Variants in ST7 observed in about 807,000 individuals in gnomAD.
ST7 encodes the protein suppression of tumorigenicity 7.
In ST7, 28 loss-of-function variants were observed where a neutral mutation model predicts 78.7. The observed-to-expected ratio is 0.36, with a 90% confidence interval of 0.26 to 0.49. The LOEUF (loss-of-function observed/expected upper bound fraction) is 0.49. Among genes scored for constraint, ST7 ranks in the 20% least tolerant of loss-of-function variants. The pLI is 0.99. For missense variants in ST7, 418 were observed against 696.0 expected (o/e 0.60, Z 4.49); for synonymous variants, 247 against 249.6 (o/e 0.99, Z 0.10).
chr7:116,955,248 C>T (rs1357678872), intron 1 of ST7: 5 of 382,830 alleles, frequency 1.3e-5, no homozygotes, highest in Admixed American at 3.7e-5. Flanking sequence ...TTGTTGGTAA[C>T]AGTGTTAGTC....
At chr7:117,042,740 A>G (rs969540423) in intron 1 of ST7, among the ~76,000 whole-genome samples, 1 of 152,124 alleles carries the variant, frequency 6.6e-6, no homozygotes, top group Non-Finnish European at 1.5e-5. Context: ...AAGATTTTAA[A>G]AAAATATATA....
intron 1 of ST7, among the ~76,000 whole-genome samples, chr7:117,083,630 A>C (rs1799940050): frequency 6.6e-6 from 1 of 152,224 alleles, no homozygotes; most frequent in African/African-American, 2.4e-5. Context: ...TCAATCTATT[A>C]GGGGATTAAA....
intron 1 of ST7, among the ~76,000 whole-genome samples, chr7:117,038,838 G>C (rs1176857989): frequency 2.0e-5 from 3 of 152,092 alleles, no homozygotes; most frequent in Admixed American, 6.6e-5. Flanking sequence ...AGAAATGAAA[G>C]ATTTTATGAT....
At chr7:117,144,916 T>G (rs1805629993) in intron 9 of ST7, among the ~76,000 whole-genome samples, 1 of 151,726 alleles carries the variant, frequency 6.6e-6, no homozygotes, top group Non-Finnish European at 1.5e-5. Context: ...AGGTAGAAAA[T>G]GGCCAGGTAT....
chr7:117,216,112 G>A (rs1176409397), intron 13 of ST7, among the ~76,000 whole-genome samples: 1 of 152,020 alleles, frequency 6.6e-6, no homozygotes, highest in East Asian at 1.9e-4. Flanking sequence ...AATCTCTGAC[G>A]GGAACAGCAC....
At chr7:117,130,213 G>A (rs1804232244) in intron 4 of ST7, among the ~76,000 whole-genome samples, 1 of 151,816 alleles carries the variant, frequency 6.6e-6, no homozygotes, top group Non-Finnish European at 1.5e-5. Context: ...CATAGCTTTA[G>A]GAAAGTGTCT....
rs533673225 is a variant in ST7 at position 117,124,358 on chromosome 7, G to T, written c.394+4638G>T. Among the ~76,000 whole-genome samples, 24 of 152,092 alleles carry T rather than the reference G, an allele frequency of 1.6e-4. No homozygotes were observed. The East Asian group carries it at 4.3e-3, about 27-fold the overall frequency. ...TTATTATCTCTCTTTTATAGTTAAG[G>T]GAGCTGAGGTATAGCAAGGTGAAGT... is the stretch of plus-strand genomic sequence containing the variant. On this transcript the variant is annotated intron_variant, in intron 3 of 15. Transcript: ENST00000323984.
At chr7:117,209,738 C>T in intron 12 of ST7, 49 bp from the exon 13 acceptor site, 1 of 1,580,508 alleles carries the variant, frequency 6.3e-7, no homozygotes, top group Non-Finnish European at 8.6e-7. Flanking sequence ...ATACTGAATT[C>T]TAAATTACTT....
At chr7:117,168,182 C>G (rs564395559) in intron 9 of ST7, among the ~76,000 whole-genome samples, 21 of 152,320 alleles carry the variant, frequency 1.4e-4, no homozygotes, top group African/African-American at 4.8e-4. Flanking sequence ...ACAGTATACT[C>G]TGTCCAAGCT....
chr7:117,094,257 AC>A (rs1800856051), intron 1 of ST7, among the ~76,000 whole-genome samples: 1 of 151,882 alleles, frequency 6.6e-6, no homozygotes, highest in African/African-American at 2.4e-5. Context: ...CTGGGCATTC[AC>A]CCTCAGGCCC....
chr7:116,958,717 G>T (rs1205991558), intron 1 of ST7: 1 of 470,736 alleles, frequency 2.1e-6, no homozygotes, highest in Non-Finnish European at 4.4e-6. Context: ...GTTTCCCAGT[G>T]CATATAAAAG....
At chr7:117,002,813 CTTTTTTT>C (rs397970060) in intron 1 of ST7, among the ~76,000 whole-genome samples, 5,559 of 72,036 alleles carry the variant, frequency 0.077, 101 homozygotes, top group Middle Eastern at 0.15. Flanking sequence ...ATTTTTTTTC[CTTTTTTT>C]TTTTTTTTTT....
chr7:116,972,220 C>T (rs1793462203), intron 1 of ST7: 9 of 536,290 alleles, frequency 1.7e-5, no homozygotes, highest in South Asian at 6.1e-5. Flanking sequence ...TGTACAGAGG[C>T]GCTGTCCTTT....
chr7:116,979,161 A>G (rs529778920), intron 1 of ST7, among the ~76,000 whole-genome samples: 1 of 152,262 alleles, frequency 6.6e-6, no homozygotes, highest in Admixed American at 6.5e-5. Flanking sequence ...TTTTTCTCCC[A>G]CCCTATTAAT....
chr7:117,098,452 T>G (rs908278694), intron 1 of ST7, among the ~76,000 whole-genome samples: 1 of 152,102 alleles, frequency 6.6e-6, no homozygotes, highest in Admixed American at 6.6e-5. Flanking sequence ...GCATCCCTCT[T>G]AACATGTTTT....
intron 1 of ST7, among the ~76,000 whole-genome samples, chr7:117,088,612 G>A (rs1800340068): frequency 6.6e-6 from 1 of 152,232 alleles, no homozygotes; most frequent in African/African-American, 2.4e-5. Flanking sequence ...CAGCTTTGTA[G>A]CATGTAATCT....
intron 9 of ST7, among the ~76,000 whole-genome samples, chr7:117,158,526 C>T (rs577169805): frequency 1.6e-4 from 25 of 152,324 alleles, no homozygotes; most frequent in African/African-American, 5.8e-4. Flanking sequence ...TTACTTAATG[C>T]GCTCAGTTCA....
chr7:117,056,143 T>C (rs1798052197), intron 1 of ST7, among the ~76,000 whole-genome samples: 1 of 152,198 alleles, frequency 6.6e-6, no homozygotes, highest in Non-Finnish European at 1.5e-5. Flanking sequence ...GACTCAAATG[T>C]TAATCTCCTT....
At chr7:117,118,742 C>G (rs1803117911) in intron 2 of ST7, among the ~76,000 whole-genome samples, 1 of 152,162 alleles carries the variant, frequency 6.6e-6, no homozygotes, top group African/African-American at 2.4e-5. Context: ...GAAGTGTTCA[C>G]TGTAGAGAGG....
Sources: allele counts gnomAD v4.1 joint callset (sites outside exome capture counted in the v4.1 genomes callset), GRCh38; gene constraint gnomAD v4.1.1; transcripts MANE v1.5; gene names NCBI Gene and HGNC (gene_info 2026-07-23, HGNC 2026-07-21).